The following SLAMF6 variants were observed in gnomAD, a reference collection of about 807,000 sequenced individuals.
SLAMF6 encodes SLAM family member 6.
In SLAMF6, 21 loss-of-function variants were observed where a neutral mutation model predicts 38.3. The observed-to-expected ratio is 0.55, with a 90% CI of 0.39 to 0.79. The LOEUF is 0.79. Ranked by LOEUF, SLAMF6 falls within the 30% of genes least tolerant of loss-of-function variation. SLAMF6 has a pLI of 0.00. For missense variants in SLAMF6, 341 were observed against 385.3 expected, an observed-to-expected ratio of 0.89 and a Z score of 0.96; for synonymous variants, 152 against 146.3, an observed-to-expected ratio of 1.04 and a Z score of -0.28.
At position 160,491,327 on chromosome 1, in the gene SLAMF6, C is replaced by G. The variant is rs1653285910; in HGVS notation, c.444G>C (p.Glu148Asp). ...CCTCCACAGAGCAAGTCAGATGGAGCTCACAGGTCATATTCTGAAATAGCT... is the reference window on the plus strand; with the variant it reads ...CCTCCACAGAGCAAGTCAGATGGAGGTCACAGGTCATATTCTGAAATAGCT... The part of the protein sequence containing the change: ...HSQLFQNMTC[E>D]LHLTCSVEDA... The change falls in exon 3 of 8, where the codon GAG (glutamate) becomes GAC (aspartate). Residue 148 changes from glutamate to aspartate, a missense_variant. Physicochemically the swap from Glu to Asp is conservative, Grantham distance 45. Transcript: ENST00000368057. 7.4e-6 allele frequency: 12 copies of G among 1,613,826 alleles called. No homozygotes were observed. Among genetic ancestry groups the G allele is most frequent in the Non-Finnish European group, 1.0e-5 (12 of 1,179,968 alleles).
chr1:160,507,155 A>G (rs1654229196), intron 1 of SLAMF6, among the ~76,000 whole-genome samples: 1 of 152,170 alleles, frequency 6.6e-6, no homozygotes, highest in African/African-American at 2.4e-5. Context: ...GATTCACTTT[A>G]GATTCAAAGG....
At chr1:160,493,596 A>G (rs1653416158) in intron 2 of SLAMF6, among the ~76,000 whole-genome samples, 1 of 152,110 alleles carries the variant, frequency 6.6e-6, no homozygotes, top group Non-Finnish European at 1.5e-5. Flanking sequence ...AGTGCCTTGG[A>G]CGTTATCCAT....
intron 6 of SLAMF6, among the ~76,000 whole-genome samples, chr1:160,488,105 A>G (rs1000061811): frequency 3.3e-5 from 5 of 151,208 alleles, no homozygotes; most frequent in Admixed American, 1.3e-4. Context: ...AAAAAAAAAA[A>G]CCAAAAAACA....
chr1:160,503,086 G>A (rs1653994323), intron 1 of SLAMF6, among the ~76,000 whole-genome samples: 2 of 152,174 alleles, frequency 1.3e-5, no homozygotes, highest in African/African-American at 2.4e-5. Flanking sequence ...TTGGGTAGAC[G>A]TGGTTCTCCT....
Position 160,487,124 on chromosome 1 carries a change from T to A in SLAMF6, c.931A>T (p.Thr311Ser). The change falls in exon 7 of 8, where the codon ACA becomes TCA. Residue 311 changes from threonine (T) to serine (S), a missense_variant. Thr to Ser is a moderately conservative substitution (Grantham distance 58). Coordinates refer to ENST00000368057, the MANE Select transcript of SLAMF6 (RefSeq NM_001184714.2). ...CTTACCTCTTTGGAATGATTAATTG[T>A]GGAGTAAATTGTGATAGTATCATTT... Reference protein sequence around the residue: ...RENDTITIYSTINHSKESKPT... With the variant: ...RENDTITIYSSINHSKESKPT... 1 of 1,613,026 alleles carries A rather than the reference T, an allele frequency of 6.2e-7. No homozygotes were observed. The highest frequency in any genetic ancestry group is 8.5e-7 in the Non-Finnish European group (1 of 1,179,338).
intron 1 of SLAMF6, among the ~76,000 whole-genome samples, chr1:160,499,869 C>G (rs1309587203): frequency 6.6e-6 from 1 of 152,230 alleles, no homozygotes; most frequent in Non-Finnish European, 1.5e-5. Context: ...CAACATCTTT[C>G]CCATCAGCAT....
At chr1:160,517,814 G>A (rs748424068) in intron 1 of SLAMF6, among the ~76,000 whole-genome samples, 3 of 152,114 alleles carry the variant, frequency 2.0e-5, no homozygotes, top group Non-Finnish European at 4.4e-5. Context: ...GAGAACACAT[G>A]GACACAGGGA....
intron 2 of SLAMF6, among the ~76,000 whole-genome samples, chr1:160,494,425 G>T (rs1293227030): frequency 6.6e-6 from 1 of 152,122 alleles, no homozygotes; most frequent in African/African-American, 2.4e-5. Flanking sequence ...GTCCTACACT[G>T]CCTTGATAAT....
rs568777719 is a variant in SLAMF6 at position 160,485,198 on chromosome 1, G to C, written c.*1509C>G. Reference sequence around the variant, plus strand: ...CTCAAGTAGCTGGGATTTTAGGGGTGCACCACCACGCCTGGCTAATTTTTT... The same window carrying C: ...CTCAAGTAGCTGGGATTTTAGGGGTCCACCACCACGCCTGGCTAATTTTTT... On this transcript the variant is annotated 3_prime_UTR_variant, in exon 8 of 8. Transcript: ENST00000368057. The C allele has an allele frequency of 6.6e-6, 1 of 152,130 alleles. No individual in the cohort carries two copies. The highest frequency in any genetic ancestry group is 2.4e-5 in the African/African-American group (1 of 41,508). 9.4% of individuals were successfully genotyped at this position (152,130 alleles called of 1,614,324 possible). A position where few individuals can be genotyped will look rare whatever the true frequency, so the allele number is the denominator to read the frequency against.
intron 1 of SLAMF6, among the ~76,000 whole-genome samples, chr1:160,515,943 T>A (rs962774290): frequency 1.3e-5 from 2 of 152,020 alleles, no homozygotes; most frequent in Admixed American, 6.6e-5. Context: ...AAAACCAGCA[T>A]AAGACAAGGA....
intron 1 of SLAMF6, among the ~76,000 whole-genome samples, chr1:160,501,558 A>T (rs1010473456): frequency 6.6e-6 from 1 of 152,190 alleles, no homozygotes; most frequent in Non-Finnish European, 1.5e-5. Context: ...TGGGAGCAAA[A>T]ATTTAGAGAA....
chr1:160,506,924 C>A (rs1307588921), intron 1 of SLAMF6, among the ~76,000 whole-genome samples: 1 of 151,982 alleles, frequency 6.6e-6, no homozygotes, highest in African/African-American at 2.4e-5. Context: ...AGAAAGGAAT[C>A]TAAACTTAAA....
At position 160,489,110 on chromosome 1, in the gene SLAMF6, G is replaced by A. The variant is rs754454907; in HGVS notation, c.857C>T (p.Ala286Val). The change falls in exon 6 of 8, where the codon GCT becomes GTT. Residue 286 changes from alanine to valine, a missense_variant. Physicochemically the swap from Ala to Val is moderately conservative, Grantham distance 64. Transcript: ENST00000368057. ...SVSPTNNTVY[A>V]SVTHSNRETE... The stretch of plus-strand genomic sequence containing the variant: ...CACCCTGTTTGAATGAGTGACTGAA[G>A]CATACACAGTGTTGTTCGTTGGAGA... 2.5e-6 allele frequency: 4 copies of A among 1,613,688 alleles called. No individual in the cohort carries two copies. In the Admixed American group the frequency reaches 5.0e-5, roughly 20 times the overall value.
chr1:160,503,373 G>A (rs6660233), intron 1 of SLAMF6, among the ~76,000 whole-genome samples: 1 of 151,698 alleles, frequency 6.6e-6, no homozygotes, highest in African/African-American at 2.4e-5. Context: ...ATCCAGTTTT[G>A]CATTGGCTGG....
intron 2 of SLAMF6, among the ~76,000 whole-genome samples, chr1:160,491,601 A>T (rs1653305435): frequency 6.6e-6 from 1 of 152,206 alleles, no homozygotes; most frequent in African/African-American, 2.4e-5. Flanking sequence ...GGGGCAGGAT[A>T]GTCAGCAGAA....
chr1:160,486,592 A>C lies in SLAMF6; in HGVS notation c.*115T>G. 1.9e-6 allele frequency: 2 copies of C among 1,075,720 alleles called. No homozygotes were observed. Among genetic ancestry groups the C allele is most frequent in the Non-Finnish European group, 2.8e-6 (2 of 709,958 alleles). The allele number at this position is 1,075,720 out of a possible 1,614,324, so 66.6% of individuals were successfully genotyped here. A position where few individuals can be genotyped will look rare whatever the true frequency, so the allele number is the denominator to read the frequency against. ...GGACTGGAGGTGATCATCCTATCCT[A>C]GATATTCAAATTCTGTTGCCAGGAA... On this transcript the variant is annotated 3_prime_UTR_variant, in exon 8 of 8. Transcript: ENST00000368057.
chr1:160,508,704 C>T (rs917598819), intron 1 of SLAMF6, among the ~76,000 whole-genome samples: 4 of 152,068 alleles, frequency 2.6e-5, no homozygotes, highest in Admixed American at 6.6e-5. Context: ...AAAGAAACTA[C>T]CATCAGAGTG....
At chr1:160,499,686 C>T (rs1653780395) in intron 1 of SLAMF6, among the ~76,000 whole-genome samples, 1 of 152,134 alleles carries the variant, frequency 6.6e-6, no homozygotes. Context: ...TCTTCCAATC[C>T]ATGAGCATGG....
chr1:160,514,453 G>A (rs1221038658), intron 1 of SLAMF6, among the ~76,000 whole-genome samples: 1 of 152,136 alleles, frequency 6.6e-6, no homozygotes, highest in African/African-American at 2.4e-5. Context: ...CATTCAGACA[G>A]AAAATTAACA....
Sources: allele counts gnomAD v4.1 joint callset (sites outside exome capture counted in the v4.1 genomes callset), GRCh38; gene constraint gnomAD v4.1.1; transcripts MANE v1.5; gene names NCBI Gene and HGNC (gene_info 2026-07-23, HGNC 2026-07-21).